The following CELF5 variants were observed in gnomAD, a reference collection of about 807,000 sequenced individuals.
CELF5 encodes the protein CUGBP Elav-like family member 5, also known as CUG-BP and ETR-3 like factor 5.
In CELF5, 6 loss-of-function variants were observed where a neutral mutation model predicts 54.9. The observed-to-expected ratio is 0.11, with a 90% CI of 0.06 to 0.22. CELF5 has a LOEUF of 0.22. Ranked by LOEUF, CELF5 falls within the 10% of genes least tolerant of loss-of-function variation. CELF5 has a pLI of 1.00. For missense variants in CELF5, 401 were observed against 678.6 expected, an observed-to-expected ratio of 0.59 and a Z score of 4.54; for synonymous variants, 271 against 290.9, an observed-to-expected ratio of 0.93 and a Z score of 0.70.
intron 1 of CELF5, among the ~76,000 whole-genome samples, chr19:3,233,106 TAAATA>T (rs1357995106): frequency 6.7e-6 from 1 of 149,588 alleles, no homozygotes; most frequent in African/African-American, 2.5e-5. Flanking sequence ...TAAAAATAAA[TAAATA>T]AATAAATAAA....
chr19:3,285,013 CTA>C, intron 9 of CELF5, 49 bp downstream of exon 9: 1 of 1,455,458 alleles, frequency 6.9e-7, no homozygotes. Context: ...CCGCCCCCGC[CTA>C]GGGCCCCGCC....
intron 10 of CELF5, among the ~76,000 whole-genome samples, chr19:3,287,248 A>C (rs958466864): frequency 6.6e-6 from 1 of 151,218 alleles, no homozygotes; most frequent in African/African-American, 2.4e-5. Context: ...GATAAAAAAG[A>C]CTTCACTTAA....
At chr19:3,287,034 CAAAAAAAA>C (rs55661552) in intron 10 of CELF5, among the ~76,000 whole-genome samples, 2 of 103,554 alleles carry the variant, frequency 1.9e-5, no homozygotes, top group Admixed American at 2.3e-4. Context: ...GACTCCGTCT[CAAAAAAAA>C]AAAAAAAAAA....
intron 2 of CELF5, among the ~76,000 whole-genome samples, chr19:3,269,095 G>T (rs1202678902): frequency 1.3e-5 from 2 of 152,032 alleles, no homozygotes; most frequent in East Asian, 3.9e-4. Flanking sequence ...AAGGTCAATG[G>T]GTGTCTGGGG....
rs111992129 is a variant in CELF5, at chr19:3,278,341, T to C, written c.603+231T>C. Among the ~76,000 whole-genome samples the C allele has an allele frequency of 2.0e-5, 3 of 151,918 alleles. No homozygotes were observed. The highest frequency in any genetic ancestry group is 7.3e-5 in the African/African-American group (3 of 41,352). The stretch of plus-strand genomic sequence containing the variant: ...GGTGAGTAGGCAAGCGAAGTGTATG[T>C]GTGTGCATGGATGTATTACAAGTGT... On this transcript the variant is annotated intron_variant, in intron 5 of 12. Coordinates refer to ENST00000292672, the MANE Select transcript of CELF5 (RefSeq NM_021938.4). This position sits in a 1 kb window ranked among gnomAD's most constrained non-coding sequence, Gnocchi z 4.5.
intron 1 of CELF5, among the ~76,000 whole-genome samples, chr19:3,236,981 T>C: frequency 8.6e-6 from 1 of 116,678 alleles, no homozygotes. Context: ...AGAGCAAGAC[T>C]CCATCTCAAA....
intron 9 of CELF5, 107 bp downstream of exon 9, chr19:3,285,071 C>T (rs2080216526): frequency 8.2e-6 from 7 of 852,228 alleles, no homozygotes; most frequent in South Asian, 1.6e-5. Flanking sequence ...CCTAGCCGCG[C>T]CTCCTACCTC....
rs2080171942 is a variant in CELF5, at chr19:3,282,608, G to A, written c.1039+110G>A. 1 of 1,278,352 alleles carries A rather than the reference G, an allele frequency of 7.8e-7. No individual in the cohort carries two copies. The highest frequency in any genetic ancestry group is 1.1e-6 in the Non-Finnish European group (1 of 932,788). The allele number at this position is 1,278,352 out of a possible 1,614,324, so 79.2% of individuals were successfully genotyped here. On this transcript the variant is annotated intron_variant, in intron 8 of 12. Coordinates refer to ENST00000292672, the MANE Select transcript of CELF5 (RefSeq NM_021938.4). This position sits in a 1 kb window ranked among gnomAD's most constrained non-coding sequence, Gnocchi z 5.2. ...ACAGTGCCCAGGGAACAGAAGGGCA[G>A]GAAAAAGGGTGTCTCCGCTGAGCAG...
chr19:3,278,199 C>T lies in CELF5; in HGVS notation c.603+89C>T. 1 of 940,504 alleles carries T rather than the reference C, an allele frequency of 1.1e-6. No homozygotes were observed. Among genetic ancestry groups the T allele is most frequent in the Non-Finnish European group, 1.6e-6 (1 of 616,640 alleles). The allele number at this position is 940,504 out of a possible 1,614,324, so 58.3% of individuals were successfully genotyped here. A position where few individuals can be genotyped will look rare whatever the true frequency, so the allele number is the denominator to read the frequency against. ...GAAACAGGCCATATTCCTACCGTCG[C>T]TGTCATCCGGTAGCCCCTGGCTGTC... On this transcript the variant is annotated intron_variant, in intron 5 of 12. Coordinates refer to ENST00000292672, the MANE Select transcript of CELF5 (RefSeq NM_021938.4). This position sits in a 1 kb window ranked among gnomAD's most constrained non-coding sequence, Gnocchi z 4.5.
intron 5 of CELF5, among the ~76,000 whole-genome samples, chr19:3,280,900 C>T (rs576792636): frequency 1.2e-4 from 19 of 152,258 alleles, no homozygotes; most frequent in Admixed American, 9.2e-4. Flanking sequence ...TCTCCAGCGG[C>T]GGGATTCTCC....
At chr19:3,272,904 G>A (rs577413238) in intron 2 of CELF5, among the ~76,000 whole-genome samples, 3 of 152,278 alleles carry the variant, frequency 2.0e-5, no homozygotes, top group African/African-American at 7.2e-5. Flanking sequence ...TGTTCTCAAC[G>A]ATCCAAAATA....
intron 2 of CELF5, among the ~76,000 whole-genome samples, chr19:3,270,917 A>G (rs1295718185): frequency 6.6e-6 from 1 of 151,506 alleles, no homozygotes; most frequent in Non-Finnish European, 1.5e-5. Flanking sequence ...CAGCCCCCCA[A>G]CCCCAGAACA....
intron 1 of CELF5, among the ~76,000 whole-genome samples, chr19:3,240,338 T>C (rs1370762980): frequency 6.6e-6 from 1 of 151,390 alleles, no homozygotes; most frequent in Non-Finnish European, 1.5e-5. Flanking sequence ...TTCTTTCTTT[T>C]TTTTTGAGAT....
chr19:3,285,872 C>T, intron 9 of CELF5, 70 bp from the exon 10 acceptor site: 1 of 1,189,112 alleles, frequency 8.4e-7, no homozygotes, highest in Non-Finnish European at 1.1e-6. Context: ...CCCCTCCCCG[C>T]CCAGCGGCCC....
At chr19:3,232,441 G>A (rs1917314789) in intron 1 of CELF5, among the ~76,000 whole-genome samples, 1 of 152,014 alleles carries the variant, frequency 6.6e-6, no homozygotes, top group African/African-American at 2.4e-5. Flanking sequence ...CCACTCAGGA[G>A]GCTGAGGAGG....
At position 3,228,695 on chromosome 19, in the gene CELF5, G is replaced by C. The variant is rs557462219; in HGVS notation, c.259+3697G>C. ...CCAGCTGCCGGCTCGACTCGGGAGGGGGGGAGGAGGAGGCTGTAGCAGGCT... is the reference window on the plus strand; with the variant it reads ...CCAGCTGCCGGCTCGACTCGGGAGGCGGGGAGGAGGAGGCTGTAGCAGGCT... On this transcript the variant is annotated intron_variant, in intron 1 of 12. Transcript: ENST00000292672. This position sits in a 1 kb window ranked among gnomAD's most constrained non-coding sequence, Gnocchi z 6.0. 2.6e-4 allele frequency among the ~76,000 whole-genome samples: 39 copies of C among 151,974 alleles called. No individual in the cohort carries two copies. The highest frequency in any genetic ancestry group is 4.9e-4 in the Non-Finnish European group (33 of 67,882).
At chr19:3,290,134 G>C in intron 10 of CELF5, 97 bp from the exon 11 acceptor site, 3 of 904,822 alleles carry the variant, frequency 3.3e-6, no homozygotes, top group Non-Finnish European at 5.2e-6. Flanking sequence ...CCGACAGCTG[G>C]AGAAGCCAGA....
intron 2 of CELF5, among the ~76,000 whole-genome samples, chr19:3,272,457 T>C (rs1432484185): frequency 6.6e-6 from 1 of 152,086 alleles, no homozygotes; most frequent in Non-Finnish European, 1.5e-5. Context: ...AGTCAGAAGA[T>C]CAGAAAGAGC....
intron 1 of CELF5, among the ~76,000 whole-genome samples, chr19:3,248,402 A>T (rs1315848584): frequency 1.4e-5 from 2 of 143,630 alleles, no homozygotes; most frequent in South Asian, 4.7e-4. Flanking sequence ...AGCCCCTGGC[A>T]CCCCCCATCC....
Sources: allele counts gnomAD v4.1 joint callset (sites outside exome capture counted in the v4.1 genomes callset), GRCh38; gene constraint gnomAD v4.1.1; non-coding constraint Gnocchi (gnomAD v3.1); transcripts MANE v1.5; gene names NCBI Gene and HGNC (gene_info 2026-07-23, HGNC 2026-07-21).